ARHGAP42: variants seen among roughly 807,000 people sequenced by gnomAD.
ARHGAP42 encodes the protein rho GTPase-activating protein 42.
A neutral mutation model predicts 125.0 loss-of-function variants in ARHGAP42; 63 were observed. That is an observed-to-expected ratio of 0.50 (90% confidence interval 0.41 to 0.62). ARHGAP42 has a LOEUF of 0.62. Ranked by LOEUF, ARHGAP42 falls within the 20% of genes least tolerant of loss-of-function variation. ARHGAP42 has a pLI of 0.00. For missense variants in ARHGAP42, 766 were observed against 1,024.2 expected (o/e 0.75, Z 3.44); for synonymous variants, 339 against 351.0 (o/e 0.97, Z 0.38).
intron 6 of ARHGAP42, among the ~76,000 whole-genome samples, chr11:100,930,824 G>A (rs906021471): frequency 1.3e-5 from 2 of 152,180 alleles, no homozygotes; most frequent in African/African-American, 4.8e-5. Flanking sequence ...AGCATGAAGT[G>A]GCCCTTCACA....
intron 1 of ARHGAP42, among the ~76,000 whole-genome samples, chr11:100,765,221 A>T (rs754306752): frequency 6.6e-6 from 1 of 152,178 alleles, no homozygotes; most frequent in Non-Finnish European, 1.5e-5. Context: ...ATATTGTTTT[A>T]GCCTTGCTGA....
chr11:100,785,828 T>C (rs554901852), intron 2 of ARHGAP42, among the ~76,000 whole-genome samples: 63 of 152,338 alleles, frequency 4.1e-4, no homozygotes, highest in African/African-American at 1.5e-3. Flanking sequence ...CCTGTTCTTT[T>C]CCTCCTGTAA....
intron 1 of ARHGAP42, among the ~76,000 whole-genome samples, chr11:100,727,587 G>T (rs570335504): frequency 2.0e-5 from 3 of 152,214 alleles, no homozygotes; most frequent in African/African-American, 7.2e-5. Flanking sequence ...ACATGACTAC[G>T]TGATGAAGCC....
At chr11:100,943,153 G>A (rs772762617) in intron 9 of ARHGAP42, among the ~76,000 whole-genome samples, 1 of 151,688 alleles carries the variant, frequency 6.6e-6, no homozygotes, top group Non-Finnish European at 1.5e-5. Flanking sequence ...TGGTGCAAAA[G>A]TAATTGCTTT....
intron 3 of ARHGAP42, among the ~76,000 whole-genome samples, chr11:100,847,828 G>A (rs1865105929): frequency 6.6e-6 from 1 of 152,092 alleles, no homozygotes; most frequent in Non-Finnish European, 1.5e-5. Flanking sequence ...GGTGTCCGTG[G>A]GAGTGGGACA....
intron 10 of ARHGAP42, among the ~76,000 whole-genome samples, chr11:100,946,596 A>G (rs1458862721): frequency 2.0e-5 from 3 of 151,946 alleles, no homozygotes; most frequent in African/African-American, 7.2e-5. Flanking sequence ...GGGAATAGGG[A>G]AGCTAAGGGG....
At chr11:100,845,367 G>A (rs563010418) in intron 3 of ARHGAP42, among the ~76,000 whole-genome samples, 1 of 152,182 alleles carries the variant, frequency 6.6e-6, no homozygotes, top group African/African-American at 2.4e-5. Context: ...TGGGAAGGGG[G>A]TGAGGGGTAA....
At chr11:100,887,323 CCCTGG>C (rs1280728477) in intron 4 of ARHGAP42, among the ~76,000 whole-genome samples, 1 of 152,054 alleles carries the variant, frequency 6.6e-6, no homozygotes, top group East Asian at 1.9e-4. Flanking sequence ...GGAAATTGAG[CCCTGG>C]TTCTCTATAG....
chr11:100,979,253 C>A (rs1289270129), intron 22 of ARHGAP42, among the ~76,000 whole-genome samples: 2 of 152,174 alleles, frequency 1.3e-5, no homozygotes, highest in Non-Finnish European at 2.9e-5. Context: ...TTGCTGAAAT[C>A]TTCACAGTAG....
chr11:100,724,503 A>T (rs1420090222), intron 1 of ARHGAP42, among the ~76,000 whole-genome samples: 2 of 152,076 alleles, frequency 1.3e-5, no homozygotes, highest in African/African-American at 4.8e-5. Context: ...AAAGATAAAG[A>T]TGTATTCAGA....
At chr11:100,984,294 T>C (rs551758326) in intron 22 of ARHGAP42, among the ~76,000 whole-genome samples, 192 of 152,122 alleles carry the variant, frequency 1.3e-3, no homozygotes, top group African/African-American at 4.5e-3. Context: ...AATAGCATTA[T>C]CTATAGTTGC....
intron 3 of ARHGAP42, among the ~76,000 whole-genome samples, chr11:100,858,225 G>A (rs1364945947): frequency 2.0e-5 from 3 of 151,984 alleles, no homozygotes; most frequent in Non-Finnish European, 4.4e-5. Flanking sequence ...GCAGTAGGAC[G>A]CCTGCACAGT....
intron 7 of ARHGAP42, among the ~76,000 whole-genome samples, chr11:100,935,677 CAGAG>C (rs71053162): frequency 2.7e-5 from 4 of 146,710 alleles, no homozygotes; most frequent in African/African-American, 5.1e-5. Context: ...CACACACACA[CAGAG>C]AGAGAGAGAG....
At chr11:100,872,743 T>A (rs1024119624) in intron 4 of ARHGAP42, among the ~76,000 whole-genome samples, 1 of 152,170 alleles carries the variant, frequency 6.6e-6, no homozygotes. Flanking sequence ...TCATTCTCCT[T>A]TCCCAGTCTT....
At chr11:100,780,005 G>A (rs748006257) in intron 2 of ARHGAP42, among the ~76,000 whole-genome samples, 4 of 151,320 alleles carry the variant, frequency 2.6e-5, no homozygotes, top group Non-Finnish European at 4.4e-5. Flanking sequence ...TAGCCTGGGG[G>A]ACAGAGTGAG....
intron 12 of ARHGAP42, among the ~76,000 whole-genome samples, chr11:100,959,046 C>T (rs1489967296): frequency 6.7e-6 from 1 of 149,768 alleles, no homozygotes; most frequent in Non-Finnish European, 1.5e-5. Context: ...GAATTCTCCT[C>T]ATTTATTATT....
At chr11:100,813,861 A>G (rs1864204291) in intron 3 of ARHGAP42, among the ~76,000 whole-genome samples, 1 of 152,194 alleles carries the variant, frequency 6.6e-6, no homozygotes, top group Admixed American at 6.5e-5. Flanking sequence ...TGGCGGCAAC[A>G]TGTAAGTCAC....
chr11:100,958,319 G>A (rs1365871453), intron 12 of ARHGAP42, among the ~76,000 whole-genome samples: 1 of 152,040 alleles, frequency 6.6e-6, no homozygotes. Flanking sequence ...TAGGTCATTA[G>A]CTGCACTCTG....
At chr11:100,873,135 TC>T (rs1865735009) in intron 4 of ARHGAP42, among the ~76,000 whole-genome samples, 1 of 152,154 alleles carries the variant, frequency 6.6e-6, no homozygotes, top group Non-Finnish European at 1.5e-5. Context: ...GAAAATGGCA[TC>T]CCTGGCAAAA....
Sources: gnomAD v4.1 joint callset for allele counts (sites outside exome capture counted in the v4.1 genomes callset) on GRCh38, gnomAD v4.1.1 for gene constraint, MANE v1.5 for transcripts, NCBI Gene and HGNC (gene_info 2026-07-23, HGNC 2026-07-21) for gene names.